SHISA9: variants seen among roughly 807,000 people sequenced by gnomAD.
SHISA9 encodes the protein protein shisa-9.
A neutral mutation model predicts 38.0 loss-of-function variants in SHISA9; 13 were observed. The ratio of observed to expected loss-of-function variants is 0.34; its 90% CI spans 0.22 to 0.54. The LOEUF (loss-of-function observed/expected upper bound fraction) is 0.54. Ranked by LOEUF, SHISA9 falls within the 20% of genes least tolerant of loss-of-function variation. SHISA9 has a pLI of 0.91. For missense variants in SHISA9, 538 were observed against 575.8 expected (o/e 0.93, Z 0.67); for synonymous variants, 275 against 242.0 (o/e 1.14, Z -1.27).
At chr16:12,908,367 T>C (rs2071131982) in intron 1 of SHISA9, 2 of 1,486,694 alleles carry the variant, frequency 1.3e-6, no homozygotes, top group Non-Finnish European at 1.8e-6. Context: ...GTTAAATACA[T>C]TGCAAAGTGT....
At chr16:12,958,750 G>T (rs1291824756) in intron 2 of SHISA9, among the ~76,000 whole-genome samples, 9 of 152,152 alleles carry the variant, frequency 5.9e-5, no homozygotes, top group Non-Finnish European at 1.5e-5. Flanking sequence ...GCATACTGAA[G>T]TTCAAAGAGG....
the SHISA9 span, among the ~76,000 whole-genome samples, chr16:13,454,766 A>G: frequency 1.3e-5 from 2 of 152,178 alleles, no homozygotes; most frequent in Admixed American, 1.3e-4. Context: ...CATCTTTTCT[A>G]TATTCCATCT....
At chr16:13,196,305 G>T (rs1232812305) in intron 2 of SHISA9, among the ~76,000 whole-genome samples, 1 of 148,954 alleles carries the variant, frequency 6.7e-6, no homozygotes, top group Non-Finnish European at 1.5e-5. Flanking sequence ...GCTGAGGCAG[G>T]AGAATGGCGT....
chr16:13,113,698 G>A (rs987890957), intron 2 of SHISA9, among the ~76,000 whole-genome samples: 8 of 152,208 alleles, frequency 5.3e-5, no homozygotes, highest in Admixed American at 4.6e-4. Context: ...AATTGAGAGT[G>A]TCCTGAAAAT....
At chr16:13,121,996 A>G (rs1418047778) in intron 2 of SHISA9, among the ~76,000 whole-genome samples, 1 of 152,180 alleles carries the variant, frequency 6.6e-6, no homozygotes, top group African/African-American at 2.4e-5. Context: ...TACTGTTCAC[A>G]TAAACTACTT....
At chr16:13,314,027 C>G in the SHISA9 span, among the ~76,000 whole-genome samples, 1 of 150,092 alleles carries the variant, frequency 6.7e-6, no homozygotes, top group Non-Finnish European at 1.5e-5. Flanking sequence ...TGCTTTTGCT[C>G]TGCTAACAAT....
intron 2 of SHISA9, among the ~76,000 whole-genome samples, chr16:13,082,766 G>A (rs2141937766): frequency 6.6e-6 from 1 of 152,288 alleles, no homozygotes; most frequent in Middle Eastern, 3.4e-3. Context: ...ATGGTAGTTT[G>A]TACATGTGTG....
At chr16:13,352,478 G>A in the SHISA9 span, among the ~76,000 whole-genome samples, 5 of 152,028 alleles carry the variant, frequency 3.3e-5, no homozygotes, top group Non-Finnish European at 5.9e-5. Flanking sequence ...AGATGGGAGC[G>A]TAGCTATATC....
At chr16:13,355,166 GAACT>G in the SHISA9 span, among the ~76,000 whole-genome samples, 4 of 149,206 alleles carry the variant, frequency 2.7e-5, no homozygotes, top group Non-Finnish European at 5.9e-5. Context: ...CACAGATACT[GAACT>G]AACTTGTAAG....
At chr16:12,969,705 C>T (rs976387180) in intron 2 of SHISA9, among the ~76,000 whole-genome samples, 3 of 152,252 alleles carry the variant, frequency 2.0e-5, no homozygotes, top group Admixed American at 2.0e-4. Context: ...TGAGAGCGTG[C>T]CATTGCACTC....
intron 2 of SHISA9, among the ~76,000 whole-genome samples, chr16:13,048,416 A>G (rs1209458779): frequency 2.0e-5 from 3 of 152,210 alleles, no homozygotes; most frequent in Admixed American, 2.0e-4. Context: ...AAAATAGTTT[A>G]TGGACTTATA....
the SHISA9 span, among the ~76,000 whole-genome samples, chr16:13,375,077 T>G: frequency 6.6e-6 from 1 of 152,238 alleles, no homozygotes; most frequent in African/African-American, 2.4e-5. Context: ...ATTAGCCCTT[T>G]GTCAGGTGGG....
rs189547105 is a variant in SHISA9, at chr16:13,022,780, T to A, written c.691+105965T>A. 1.8e-4 allele frequency among the ~76,000 whole-genome samples: 27 copies of A among 152,206 alleles called. 1 individual carries two copies. In the East Asian group the frequency reaches 3.9e-3, roughly 22 times the overall value. ...CCACACCCAGCTAATTATTTCATTT[T>A]TCAAAGAGACAGGGTATCACTATGC... On this transcript the variant is annotated intron_variant, in intron 2 of 4. Transcript: ENST00000558583.
the SHISA9 span, among the ~76,000 whole-genome samples, chr16:13,300,342 C>T: frequency 6.6e-6 from 1 of 152,036 alleles, no homozygotes; most frequent in African/African-American, 2.4e-5. Context: ...TGGGAGTTTC[C>T]CTGCAAATGT....
intron 2 of SHISA9, among the ~76,000 whole-genome samples, chr16:13,052,342 A>G (rs548476158): frequency 1.3e-5 from 2 of 152,172 alleles, no homozygotes; most frequent in Admixed American, 1.3e-4. Context: ...CTTGGTGAAC[A>G]TGTCACCTGA....
chr16:13,111,565 T>C, intron 2 of SHISA9, among the ~76,000 whole-genome samples: 1 of 152,188 alleles, frequency 6.6e-6, no homozygotes. Flanking sequence ...ACTTAGCATA[T>C]TGGTGGGCAC....
At chr16:13,531,627 T>C in the SHISA9 span, among the ~76,000 whole-genome samples, 1 of 152,088 alleles carries the variant, frequency 6.6e-6, no homozygotes, top group Admixed American at 6.5e-5. Context: ...CTAAACAAAG[T>C]CAAGGCAAAT....
intron 2 of SHISA9, among the ~76,000 whole-genome samples, chr16:13,155,822 A>G (rs375905787): frequency 6.1e-5 from 9 of 146,412 alleles, no homozygotes; most frequent in South Asian, 2.1e-4. Flanking sequence ...CCCCTATTCC[A>G]TGTTCCCTGT....
chr16:13,223,765 A>G (rs916261539), intron 4 of SHISA9, among the ~76,000 whole-genome samples: 1 of 152,224 alleles, frequency 6.6e-6, no homozygotes, highest in Admixed American at 6.5e-5. Flanking sequence ...GAGCAAAAGC[A>G]TGCCTTACAT....
Sources: allele counts gnomAD v4.1 joint callset (sites outside exome capture counted in the v4.1 genomes callset), GRCh38; gene constraint gnomAD v4.1.1; transcripts MANE v1.5; gene names NCBI Gene and HGNC (gene_info 2026-07-23, HGNC 2026-07-21).